Variants in AFG2B observed in about 807,000 individuals in gnomAD.
AFG2B encodes the protein ATPase family gene 2 protein homolog B.
At chr15:45,412,940 G>A in the AFG2B span, among the ~76,000 whole-genome samples, 1 of 152,118 alleles carries the variant, frequency 6.6e-6, no homozygotes, top group African/African-American at 2.4e-5. Context: ...ACACATAACA[G>A]ACTGATATAT....
the AFG2B span, chr15:45,416,998 C>G: frequency 0.094 from 25,626 of 272,296 alleles, 6,039 homozygotes; most frequent in African/African-American, 0.51. Context: ...AGTGTTCTCC[C>G]CTTTGGGATA....
At chr15:45,403,063 C>T in the AFG2B span, 1 of 1,542,258 alleles carries the variant, frequency 6.5e-7, no homozygotes, top group South Asian at 1.2e-5. Flanking sequence ...GGCCGACTCG[C>T]TGCGGGAGCT....
chr15:45,402,349 C>T, the AFG2B span: 2 of 1,535,780 alleles, frequency 1.3e-6, no homozygotes, highest in Middle Eastern at 1.8e-4. Flanking sequence ...CTGCTTCCGG[C>T]CTGCGAGCTC....
At chr15:45,411,803 A>C in the AFG2B span, among the ~76,000 whole-genome samples, 1 of 152,174 alleles carries the variant, frequency 6.6e-6, no homozygotes, top group Non-Finnish European at 1.5e-5. Flanking sequence ...AAAAAAATTA[A>C]AAAACAATTT....
the AFG2B span, chr15:45,403,029 G>C: frequency 1.9e-6 from 3 of 1,576,798 alleles, no homozygotes; most frequent in Admixed American, 5.3e-5. Flanking sequence ...AGCCCGAGGT[G>C]CCCCTGGGAG....
the AFG2B span, chr15:45,407,055 C>T: frequency 3.9e-6 from 5 of 1,289,198 alleles, 1 homozygote; most frequent in South Asian, 6.2e-5. Context: ...AAGCACCTCT[C>T]ACTTAGGTGG....
chr15:45,410,618 CT>C, the AFG2B span: 2 of 1,250,432 alleles, frequency 1.6e-6, no homozygotes, highest in African/African-American at 3.0e-5. Flanking sequence ...GCTGAAACTG[CT>C]CTTGCTCCTA....
At chr15:45,403,087 C>G in the AFG2B span, 2 of 1,526,276 alleles carry the variant, frequency 1.3e-6, no homozygotes. Flanking sequence ...CCGCCTCCCG[C>G]TCCGCTACCC....
the AFG2B span, among the ~76,000 whole-genome samples, chr15:45,419,996 CCAA>C: frequency 1.7e-3 from 140 of 84,648 alleles, 1 homozygote; most frequent in African/African-American, 9.2e-3. Flanking sequence ...TCCCCCCCCC[CCAA>C]AAAAAAAAAA....
At chr15:45,417,047 T>C in the AFG2B span, 1 of 428,282 alleles carries the variant, frequency 2.3e-6, no homozygotes, top group South Asian at 3.2e-5. Flanking sequence ...ATGTTTCTCT[T>C]AGCTACTCCC....
At chr15:45,414,844 A>G in the AFG2B span, 2 of 1,404,946 alleles carry the variant, frequency 1.4e-6, no homozygotes, top group Non-Finnish European at 2.0e-6. Flanking sequence ...CTTATGGACA[A>G]ACCTTTTTAA....
the AFG2B span, chr15:45,417,238 A>G: frequency 1.2e-6 from 2 of 1,603,310 alleles, no homozygotes; most frequent in African/African-American, 1.3e-5. Context: ...CAACTGATTG[A>G]CATTACTTTG....
the AFG2B span, among the ~76,000 whole-genome samples, chr15:45,413,085 A>G: frequency 1.3e-5 from 2 of 152,218 alleles, no homozygotes; most frequent in African/African-American, 4.8e-5. Context: ...TAATGTTCAC[A>G]AGATGCATGA....
At chr15:45,413,373 A>G in the AFG2B span, among the ~76,000 whole-genome samples, 22,902 of 152,084 alleles carry the variant, frequency 0.15, 5,714 homozygotes, top group African/African-American at 0.52. Context: ...GGATAACCCC[A>G]GGGATGTCAA....
At chr15:45,402,779 G>A in the AFG2B span, 18 of 1,588,272 alleles carry the variant, frequency 1.1e-5, no homozygotes, top group Non-Finnish European at 1.4e-5. Context: ...CCGGTGTTGC[G>A]AGAGCGGGCA....
chr15:45,409,687 C>G, the AFG2B span, among the ~76,000 whole-genome samples: 1 of 151,658 alleles, frequency 6.6e-6, no homozygotes, highest in Non-Finnish European at 1.5e-5. Flanking sequence ...ATAGGGAGAC[C>G]GCATCTCTAC....
At chr15:45,403,108 A>T in the AFG2B span, 1 of 1,517,740 alleles carries the variant, frequency 6.6e-7, no homozygotes, top group Non-Finnish European at 8.8e-7. Flanking sequence ...GCGCGCCCTG[A>T]CCGCGCTGGG....
chr15:45,418,745 T>A, the AFG2B span: 1 of 1,588,796 alleles, frequency 6.3e-7, no homozygotes, highest in South Asian at 1.1e-5. Flanking sequence ...AAATCTTCAT[T>A]CACTCAGCAG....
the AFG2B span, among the ~76,000 whole-genome samples, chr15:45,405,948 T>G: frequency 6.6e-6 from 1 of 152,168 alleles, no homozygotes; most frequent in Non-Finnish European, 1.5e-5. Flanking sequence ...TTCATGTGTA[T>G]TTCCTTATAT....
Sources: allele counts gnomAD v4.1 joint callset (sites outside exome capture counted in the v4.1 genomes callset), GRCh38; gene constraint gnomAD v4.1.1; transcripts MANE v1.5; gene names NCBI Gene and HGNC (gene_info 2026-07-23, HGNC 2026-07-21).